WDR70: variants seen among roughly 807,000 people sequenced by gnomAD.
WDR70 encodes WD repeat-containing protein 70.
Under a neutral mutation model 88.6 loss-of-function variants are expected in WDR70, and 53 were observed. That is an observed-to-expected ratio of 0.60 (90% CI 0.48 to 0.75). The LOEUF (loss-of-function observed/expected upper bound fraction) is 0.75, where lower values mean the gene tolerates loss of function less well. WDR70 is among the 30% of genes least tolerant of loss of function. The pLI is 0.00. For synonymous variants in WDR70, 280 were observed against 270.0 expected (o/e 1.04, Z -0.36); for missense variants, 610 against 823.2 (o/e 0.74, Z 3.17).
At chr5:37,605,520 A>G (rs1483696462) in intron 10 of WDR70, among the ~76,000 whole-genome samples, 1 of 125,538 alleles carries the variant, frequency 8.0e-6, no homozygotes, top group Non-Finnish European at 1.5e-5. Context: ...AGCTTATTAT[A>G]TGGCATCTCA....
At position 37,658,106 on chromosome 5, in the gene WDR70, T is replaced by A. The variant is rs150165495; in HGVS notation, c.1093-39549T>A. Among the ~76,000 whole-genome samples, 8 of 151,942 alleles carry A rather than the reference T, an allele frequency of 5.3e-5. No homozygotes were observed. In the East Asian group the frequency reaches 1.6e-3, roughly 29 times the overall value. On this transcript the variant is annotated intron_variant, in intron 10 of 17. Transcript: ENST00000265107. ...AAAATAATAAGGAAGAAAAAACATA[T>A]TAATTAAGTGGAAGTGGATCACTAT... is the stretch of plus-strand genomic sequence containing the variant.
At chr5:37,543,153 A>G (rs545218378) in intron 9 of WDR70, among the ~76,000 whole-genome samples, 83 of 152,174 alleles carry the variant, frequency 5.5e-4, no homozygotes, top group South Asian at 4.6e-3. Flanking sequence ...CAACCCCCAA[A>G]CTTGTCAGAG....
chr5:37,410,079 C>T (rs1749476110), intron 5 of WDR70, among the ~76,000 whole-genome samples: 1 of 150,254 alleles, frequency 6.7e-6, no homozygotes, highest in African/African-American at 2.5e-5. Context: ...TAGGGTTTTG[C>T]TATGATGCAC....
intron 10 of WDR70, among the ~76,000 whole-genome samples, chr5:37,624,601 A>C (rs1744614800): frequency 6.6e-6 from 1 of 152,132 alleles, no homozygotes; most frequent in Non-Finnish European, 1.5e-5. Context: ...TTTGCTGAAA[A>C]ATCAACTCAT....
intron 5 of WDR70, among the ~76,000 whole-genome samples, chr5:37,401,962 GA>G (rs745847647): frequency 3.3e-5 from 5 of 152,092 alleles, no homozygotes; most frequent in Non-Finnish European, 7.4e-5. Context: ...TTAGCTCTTT[GA>G]AAATATGGAG....
intron 8 of WDR70, among the ~76,000 whole-genome samples, chr5:37,495,322 A>G (rs1242170017): frequency 6.6e-6 from 1 of 152,128 alleles, no homozygotes; most frequent in Non-Finnish European, 1.5e-5. Context: ...CAACATGCCA[A>G]AGACATGGGT....
At chr5:37,406,231 C>T (rs1021447309) in intron 5 of WDR70, among the ~76,000 whole-genome samples, 1 of 152,166 alleles carries the variant, frequency 6.6e-6, no homozygotes, top group Non-Finnish European at 1.5e-5. Flanking sequence ...TACCTCACAT[C>T]CAATCTCTGA....
chr5:37,572,464 TGGG>T (rs1331976334), intron 9 of WDR70, among the ~76,000 whole-genome samples: 1 of 152,148 alleles, frequency 6.6e-6, no homozygotes, highest in Non-Finnish European at 1.5e-5. Flanking sequence ...TATGTATTGA[TGGG>T]GTACAAGTGC....
At chr5:37,695,559 G>T (rs1404357094) in intron 10 of WDR70, among the ~76,000 whole-genome samples, 1 of 152,156 alleles carries the variant, frequency 6.6e-6, no homozygotes, top group Non-Finnish European at 1.5e-5. Flanking sequence ...AAGCTCATTG[G>T]TTGTTGGCAG....
chr5:37,648,508 GA>G (rs1450665982), intron 10 of WDR70, among the ~76,000 whole-genome samples: 5 of 144,798 alleles, frequency 3.5e-5, no homozygotes, highest in Non-Finnish European at 7.4e-5. Flanking sequence ...ATTTTCCAGA[GA>G]CAGAGAACTA....
At chr5:37,589,249 T>TACACACACACACACACACACAC (rs57446016) in intron 9 of WDR70, among the ~76,000 whole-genome samples, 1 of 140,096 alleles carries the variant, frequency 7.1e-6, no homozygotes, top group East Asian at 2.2e-4. Flanking sequence ...CCTACACACA[T>TACACACACACACACACACACAC]ACACACACAC....
At chr5:37,651,050 T>G (rs1466075324) in intron 10 of WDR70, among the ~76,000 whole-genome samples, 2 of 151,780 alleles carry the variant, frequency 1.3e-5, no homozygotes, top group Non-Finnish European at 2.9e-5. Context: ...GCCATGATGG[T>G]TTGCTGCACT....
chr5:37,499,615 C>CTCG, intron 8 of WDR70, among the ~76,000 whole-genome samples: 1 of 149,270 alleles, frequency 6.7e-6, no homozygotes. Context: ...CTCTCTCTCT[C>CTCG]TCTCTCTCTC....
At chr5:37,720,912 T>C (rs1000349215) in intron 13 of WDR70, among the ~76,000 whole-genome samples, 1 of 152,188 alleles carries the variant, frequency 6.6e-6, no homozygotes, top group African/African-American at 2.4e-5. Context: ...TTTATTTTTA[T>C]GGAGTATCAC....
At chr5:37,689,914 G>A (rs185690843) in intron 10 of WDR70, among the ~76,000 whole-genome samples, 45 of 152,274 alleles carry the variant, frequency 3.0e-4, no homozygotes, top group African/African-American at 9.4e-4. Context: ...AAACTTCTCC[G>A]AGCTAAAGGA....
Position 37,479,861 on chromosome 5 carries a change from T to C in WDR70, c.714T>C (p.Ser238=). The C allele has an allele frequency of 6.2e-7, 1 of 1,614,136 alleles. No individual in the cohort carries two copies. Among genetic ancestry groups the C allele is most frequent in the South Asian group, 1.1e-5 (1 of 91,074 alleles). ...ATCAGATCAAGTCATTACAGTATAG[T>C]AACACAGGAGACATGATTCTTGTTG... ...ECHQIKSLQY[S]NTGDMILVVS... is the part of the protein sequence containing the mutation. Residue 238 remains serine, a synonymous_variant, in exon 8 of 18, where the codon AGT becomes AGC. Transcript: ENST00000265107.
intron 9 of WDR70, among the ~76,000 whole-genome samples, chr5:37,517,839 ATTTTTATTATATTAT>A (rs917086628): frequency 5.2e-5 from 3 of 57,812 alleles, no homozygotes; most frequent in East Asian, 1.0e-3. Flanking sequence ...TAGTTATTTT[ATTTTTATTATATTAT>A]TTTTTATTAT....
At chr5:37,401,188 T>TTC (rs1749181095) in intron 5 of WDR70, among the ~76,000 whole-genome samples, 2 of 147,778 alleles carry the variant, frequency 1.4e-5, no homozygotes, top group Non-Finnish European at 3.0e-5. Context: ...TTTTTTTTTT[T>TTC]TTAGTAGAGA....
intron 10 of WDR70, among the ~76,000 whole-genome samples, chr5:37,630,148 C>T (rs1744772277): frequency 6.6e-6 from 1 of 152,184 alleles, no homozygotes; most frequent in African/African-American, 2.4e-5. Flanking sequence ...TTAGGTTGGG[C>T]ATTTGTTCAT....
Sources: allele counts gnomAD v4.1 joint callset (sites outside exome capture counted in the v4.1 genomes callset), GRCh38; gene constraint gnomAD v4.1.1; transcripts MANE v1.5; gene names NCBI Gene and HGNC (gene_info 2026-07-23, HGNC 2026-07-21).